The following C4orf51 variants were observed in gnomAD, a reference collection of about 807,000 sequenced individuals.
The protein encoded by C4orf51 is uncharacterized protein C4orf51.
C4orf51 carries 25 observed loss-of-function variants against 25.2 expected under a neutral mutation model. That is an observed-to-expected ratio of 0.99 (90% CI 0.72 to 1.39). C4orf51 has a LOEUF of 1.39. Among genes scored for constraint, C4orf51 ranks in the 40% most tolerant of loss-of-function variants. The pLI, the probability that C4orf51 is intolerant of heterozygous loss-of-function variation, is 0.00. For missense variants in C4orf51, 252 were observed against 239.6 expected (o/e 1.05, Z -0.34); for synonymous variants, 100 against 84.5 (o/e 1.18, Z -1.01).
the C4orf51 span, among the ~76,000 whole-genome samples, chr4:145,789,319 A>C: frequency 2.0e-5 from 3 of 152,214 alleles, no homozygotes; most frequent in Non-Finnish European, 4.4e-5. Context: ...TAAAGACTTA[A>C]AGTGCATAAA....
downstream of C4orf51, chr4:145,775,723 CAGGT>C: frequency 1.3e-6 from 2 of 1,585,674 alleles, no homozygotes; most frequent in South Asian, 1.1e-5. Context: ...CCACAGCAGA[CAGGT>C]AGGAAGTGTT....
chr4:145,719,906 G>T (rs984290078), intron 2 of C4orf51, among the ~76,000 whole-genome samples: 31 of 152,182 alleles, frequency 2.0e-4, no homozygotes, highest in African/African-American at 7.5e-4. Context: ...CAGGTGACTT[G>T]CTGGTGGCTG....
intron 1 of C4orf51, among the ~76,000 whole-genome samples, chr4:145,767,639 C>T (rs757960064): frequency 6.6e-6 from 1 of 152,132 alleles, no homozygotes; most frequent in Non-Finnish European, 1.5e-5. Context: ...GTTATGTGCA[C>T]AGGAACAAAA....
At chr4:145,687,693 A>C (rs1342724439) in intron 1 of C4orf51, among the ~76,000 whole-genome samples, 1 of 152,212 alleles carries the variant, frequency 6.6e-6, no homozygotes, top group African/African-American at 2.4e-5. Context: ...GCAGTTACAG[A>C]AACAAACTCT....
chr4:145,779,601 T>G, the C4orf51 span: 1 of 1,504,632 alleles, frequency 6.6e-7, no homozygotes, highest in Non-Finnish European at 9.0e-7. Context: ...CAGAGCCTTC[T>G]CTCTGAAGAA....
At chr4:145,701,153 C>A (rs536321460) in intron 2 of C4orf51, among the ~76,000 whole-genome samples, 30 of 152,074 alleles carry the variant, frequency 2.0e-4, no homozygotes, top group African/African-American at 7.2e-4. Context: ...CCAATCTGCT[C>A]CCAACATTAA....
rs1279581401 is a variant in C4orf51, at chr4:145,727,955, AATATAATAT to A, written c.366+990_366+998del. 2.1e-3 allele frequency among the ~76,000 whole-genome samples: 260 copies of A among 122,848 alleles called. 2 individuals are homozygous for A. The highest frequency in any genetic ancestry group is 6.9e-3 in the African/African-American group (232 of 33,534). The allele number at this position is 122,848 out of a possible 152,430, so 80.6% of individuals were successfully genotyped here. ...ATTATATATATACATTATATATAAT[AATATAATAT>A]ATAATATAATATATACATTATATAT... On this transcript the variant is annotated intron_variant, in intron 3 of 5. Coordinates refer to ENST00000438731, the MANE Select transcript of C4orf51 (RefSeq NM_001080531.3).
the C4orf51 span, among the ~76,000 whole-genome samples, chr4:145,781,195 C>CAAAAAAAAAAAAAAAAAAAAA: frequency 3.7e-4 from 21 of 56,542 alleles, no homozygotes; most frequent in South Asian, 1.1e-3. Flanking sequence ...GACACCATCT[C>CAAAAAAAAAAAAAAAAAAAAA]AAAAAAAAAA....
At chr4:145,698,832 T>C (rs1244467221) in intron 2 of C4orf51, among the ~76,000 whole-genome samples, 11 of 152,242 alleles carry the variant, frequency 7.2e-5, no homozygotes, top group Admixed American at 2.6e-4. Context: ...TTGTCAGGCC[T>C]CTGAGCCCAA....
rs775266276 is a variant in C4orf51 at position 145,721,218 on chromosome 4, G to A, written c.308-5693G>A. Among the ~76,000 whole-genome samples the A allele has an allele frequency of 3.9e-5, 6 of 151,944 alleles. No homozygotes were observed. In the East Asian group the frequency reaches 7.7e-4, roughly 20 times the overall value. ...AAATTAGCCAGGTGTGGTGGTGGGC[G>A]CCTATAGTTCCAACTACTCAGAAGG... On this transcript the variant is annotated intron_variant, in intron 2 of 5. Coordinates refer to ENST00000438731, the MANE Select transcript of C4orf51 (RefSeq NM_001080531.3).
chr4:145,722,385 T>C lies in C4orf51; in HGVS notation c.308-4526T>C, dbSNP rs180876474. On this transcript the variant is annotated intron_variant, in intron 2 of 5. Transcript: ENST00000438731. ...TGCATGAGTCTCCTATGGATAAGAA[T>C]GTTCTCTTACATAACCACAACATTG... Among the ~76,000 whole-genome samples, 425 of 152,332 alleles carry C rather than the reference T, an allele frequency of 2.8e-3. 1 individual carries two copies. Among genetic ancestry groups the C allele is most frequent in the African/African-American group, 9.8e-3 (408 of 41,576 alleles).
downstream of C4orf51, among the ~76,000 whole-genome samples, chr4:145,771,474 G>C (rs1736272544): frequency 6.6e-6 from 1 of 152,226 alleles, no homozygotes; most frequent in Admixed American, 6.5e-5. Context: ...TAGCCATTCA[G>C]ATTCCTCAAT....
downstream of C4orf51, chr4:145,774,600 C>T (rs749225574): frequency 5.0e-6 from 8 of 1,613,698 alleles, no homozygotes; most frequent in Non-Finnish European, 5.1e-6. Context: ...TCCACTGCTC[C>T]TTGTCCACGT....
At chr4:145,771,796 C>G (rs1032513259), downstream of C4orf51, among the ~76,000 whole-genome samples, 12 of 152,176 alleles carry the variant, frequency 7.9e-5, no homozygotes, top group African/African-American at 2.9e-4. Context: ...TCCTGTAGAT[C>G]ACAACTTCAC....
At chr4:145,764,557 G>A in intron 1 of C4orf51, 1 of 179,628 alleles carries the variant, frequency 5.6e-6, no homozygotes, top group Admixed American at 5.9e-5. Flanking sequence ...ATTTTGGAGG[G>A]TGGGGTGGTT....
At chr4:145,774,477 G>A (rs759237329), downstream of C4orf51, 13 of 1,595,868 alleles carry the variant, frequency 8.1e-6, no homozygotes, top group Non-Finnish European at 9.4e-6. Context: ...TGGAGAAGGA[G>A]TGTGAGAAGG....
At chr4:145,738,522 A>C (rs1732933791) in intron 1 of C4orf51, among the ~76,000 whole-genome samples, 1 of 152,064 alleles carries the variant, frequency 6.6e-6, no homozygotes, top group African/African-American at 2.4e-5. Flanking sequence ...GAAGAAACTA[A>C]GACCTAAGTT....
chr4:145,778,537 G>A, the C4orf51 span, among the ~76,000 whole-genome samples: 21 of 152,096 alleles, frequency 1.4e-4, no homozygotes, highest in African/African-American at 5.1e-4. Flanking sequence ...ACTTGAACCC[G>A]GGAGGCAGAG....
At chr4:145,736,344 C>T (rs1463404318), downstream of C4orf51, among the ~76,000 whole-genome samples, 1 of 151,906 alleles carries the variant, frequency 6.6e-6, no homozygotes, top group African/African-American at 2.4e-5. Flanking sequence ...TCTTTCCTTC[C>T]CAGGGAGCTT....
Sources: allele counts gnomAD v4.1 joint callset (sites outside exome capture counted in the v4.1 genomes callset), GRCh38; gene constraint gnomAD v4.1.1; transcripts MANE v1.5; gene names NCBI Gene and HGNC (gene_info 2026-07-23, HGNC 2026-07-21).